CPEB3: variants seen among roughly 807,000 people sequenced by gnomAD.
CPEB3 encodes cytoplasmic polyadenylation element-binding protein 3.
A neutral mutation model predicts 67.2 loss-of-function variants in CPEB3; 20 were observed. That is an observed-to-expected ratio of 0.30 (90% confidence interval 0.21 to 0.43). The LOEUF is 0.43. Among genes scored for constraint, CPEB3 ranks in the 20% least tolerant of loss-of-function variants. The probability of loss-of-function intolerance (pLI) is 1.00; values close to 1 mark genes in which losing one functional copy is unlikely to be tolerated. For missense variants in CPEB3, 746 were observed against 968.6 expected, an observed-to-expected ratio of 0.77 and a Z score of 3.05; for synonymous variants, 376 against 393.1, an observed-to-expected ratio of 0.96 and a Z score of 0.51.
intron 1 of CPEB3, among the ~76,000 whole-genome samples, chr10:92,276,139 C>T (rs980423512): frequency 2.0e-5 from 3 of 151,964 alleles, no homozygotes; most frequent in South Asian, 2.1e-4. Flanking sequence ...TGAGCCACCA[C>T]GCCCGGCATT....
intron 4 of CPEB3, among the ~76,000 whole-genome samples, chr10:92,171,294 A>C (rs1294507102): frequency 2.6e-5 from 4 of 152,180 alleles, no homozygotes; most frequent in Non-Finnish European, 5.9e-5. Flanking sequence ...GGGAACAATA[A>C]AAGCAGACCA....
At chr10:92,054,696 C>T (rs1264300025) in intron 9 of CPEB3, among the ~76,000 whole-genome samples, 6 of 152,146 alleles carry the variant, frequency 3.9e-5, no homozygotes, top group African/African-American at 1.4e-4. Flanking sequence ...CCTGCCTTGG[C>T]CTCTCAAAGT....
At chr10:92,255,614 C>T (rs564431158) in intron 1 of CPEB3, among the ~76,000 whole-genome samples, 63 of 152,316 alleles carry the variant, frequency 4.1e-4, no homozygotes, top group Non-Finnish European at 6.6e-4. Context: ...CGCAGGGCCA[C>T]CATCTTGATT....
intron 9 of CPEB3, among the ~76,000 whole-genome samples, chr10:92,072,408 T>C (rs1348936585): frequency 2.0e-5 from 3 of 152,074 alleles, no homozygotes; most frequent in East Asian, 3.9e-4. Flanking sequence ...GATTAGGCCA[T>C]AGCACAATTT....
Position 92,148,024 on chromosome 10 carries a change from G to A in CPEB3, c.1223-2939C>T, listed in dbSNP as rs35134464. Among the ~76,000 whole-genome samples the A allele has an allele frequency of 9.0e-3, 1,372 of 152,210 alleles. 10 individuals carry two copies. Among genetic ancestry groups the A allele is most frequent in the Non-Finnish European group, 0.015 (1,000 of 68,022 alleles). ...CCAATTCAAGCAGAGTAAATAGTCT[G>A]TTTAGTCTACTGACTTCTACCTCGT... On this transcript the variant is annotated intron_variant, in intron 4 of 9. Transcript: ENST00000265997.
At chr10:92,133,974 A>T (rs1845967765) in intron 6 of CPEB3, among the ~76,000 whole-genome samples, 1 of 152,240 alleles carries the variant, frequency 6.6e-6, no homozygotes, top group South Asian at 2.1e-4. Context: ...GCAGCCCTTC[A>T]TGCTAAAAAC....
chr10:92,195,761 C>T (rs558712111), intron 2 of CPEB3, among the ~76,000 whole-genome samples: 1 of 152,200 alleles, frequency 6.6e-6, no homozygotes, highest in African/African-American at 2.4e-5. Context: ...TTGATAATCC[C>T]TCAAGGTAGA....
At chr10:92,068,418 T>A (rs1355329913) in intron 9 of CPEB3, among the ~76,000 whole-genome samples, 1 of 152,188 alleles carries the variant, frequency 6.6e-6, no homozygotes, top group African/African-American at 2.4e-5. Context: ...ACCCTGGCTA[T>A]AACACAACCT....
At chr10:92,174,035 T>C (rs982709003) in intron 4 of CPEB3, among the ~76,000 whole-genome samples, 2 of 152,254 alleles carry the variant, frequency 1.3e-5, no homozygotes, top group African/African-American at 4.8e-5. Context: ...TCCTTTACTA[T>C]ACTTTTTTAT....
At chr10:92,060,116 G>T (rs1842282752) in intron 9 of CPEB3, among the ~76,000 whole-genome samples, 2 of 151,896 alleles carry the variant, frequency 1.3e-5, no homozygotes, top group African/African-American at 4.8e-5. Flanking sequence ...TAGCACTTTG[G>T]GAGGCCGAGG....
intron 6 of CPEB3, among the ~76,000 whole-genome samples, chr10:92,128,764 T>C (rs1428892802): frequency 6.6e-6 from 1 of 152,178 alleles, no homozygotes; most frequent in Non-Finnish European, 1.5e-5. Context: ...CGCTGATCAT[T>C]AGAGAAATGC....
intron 6 of CPEB3, among the ~76,000 whole-genome samples, chr10:92,138,789 A>T (rs1427778964): frequency 6.6e-6 from 1 of 152,202 alleles, no homozygotes; most frequent in African/African-American, 2.4e-5. Flanking sequence ...AACAGCATGG[A>T]GGTTCCTCAA....
At chr10:92,172,098 C>T (rs1193069104) in intron 4 of CPEB3, among the ~76,000 whole-genome samples, 1 of 152,056 alleles carries the variant, frequency 6.6e-6, no homozygotes, top group Non-Finnish European at 1.5e-5. Flanking sequence ...GAGTTCAACA[C>T]CAGCCTAGGC....
intron 2 of CPEB3, among the ~76,000 whole-genome samples, chr10:92,197,491 A>T (rs1189546315): frequency 6.6e-6 from 1 of 152,218 alleles, no homozygotes; most frequent in African/African-American, 2.4e-5. Context: ...CTTTTTTTAT[A>T]AGTTTTGTTT....
intron 2 of CPEB3, among the ~76,000 whole-genome samples, chr10:92,215,265 G>T (rs1216058010): frequency 1.3e-5 from 2 of 150,382 alleles, no homozygotes; most frequent in Non-Finnish European, 2.9e-5. Flanking sequence ...CGATTCTCCT[G>T]CCTCTGCCTC....
chr10:92,273,104 G>T (rs555089418), intron 1 of CPEB3, among the ~76,000 whole-genome samples: 61 of 152,302 alleles, frequency 4.0e-4, no homozygotes, highest in Non-Finnish European at 7.9e-4. Flanking sequence ...GGGGAATGTG[G>T]TAAGAGAGAA....
chr10:92,276,277 C>CTTTTTTTTTTTTTT (rs769749643), intron 1 of CPEB3, among the ~76,000 whole-genome samples: 11 of 108,244 alleles, frequency 1.0e-4, no homozygotes, highest in Non-Finnish European at 1.8e-4. Context: ...TTTTTCTTTT[C>CTTTTTTTTTTTTTT]TTTTTTTTTT....
intron 1 of CPEB3, among the ~76,000 whole-genome samples, chr10:92,274,994 C>T (rs956771047): frequency 1.3e-5 from 2 of 152,082 alleles, no homozygotes; most frequent in African/African-American, 4.8e-5. Context: ...AAAACAGGGC[C>T]GAACCCATGA....
At chr10:92,118,899 C>T in intron 6 of CPEB3, 2 of 918,914 alleles carry the variant, frequency 2.2e-6, no homozygotes, top group Non-Finnish European at 3.7e-6. Flanking sequence ...AGGGCAGGGG[C>T]CTCTCTTTTT....
Sources: gnomAD v4.1 joint callset for allele counts (sites outside exome capture counted in the v4.1 genomes callset) on GRCh38, gnomAD v4.1.1 for gene constraint, MANE v1.5 for transcripts, NCBI Gene and HGNC (gene_info 2026-07-23, HGNC 2026-07-21) for gene names.